CPEB1: variants seen among roughly 807,000 people sequenced by gnomAD.
CPEB1 encodes cytoplasmic polyadenylation element-binding protein 1.
CPEB1 carries 7 observed loss-of-function variants against 65.8 expected under a neutral mutation model. That is an observed-to-expected ratio of 0.11 (90% CI 0.06 to 0.20). The LOEUF (loss-of-function observed/expected upper bound fraction) is 0.20, where lower values mean the gene tolerates loss of function less well. Among genes scored for constraint, CPEB1 ranks in the 10% least tolerant of loss-of-function variants. CPEB1 has a pLI of 1.00. For missense variants in CPEB1, 551 were observed against 712.2 expected (o/e 0.77, Z 2.58); for synonymous variants, 262 against 260.0 (o/e 1.01, Z -0.08).
intron 3 of CPEB1, among the ~76,000 whole-genome samples, chr15:82,611,159 G>C (rs117713060): frequency 0.018 from 2,673 of 151,428 alleles, 29 homozygotes; most frequent in Non-Finnish European, 0.025. Flanking sequence ...AAGGCATCTA[G>C]ATGGAAAAAA....
chr15:82,573,692 G>A (rs911979584), intron 3 of CPEB1, among the ~76,000 whole-genome samples: 1 of 152,144 alleles, frequency 6.6e-6, no homozygotes, highest in Non-Finnish European at 1.5e-5. Flanking sequence ...AAAATACAGT[G>A]TGGCAGACCA....
chr15:82,645,609 C>T (rs1199032077), intron 1 of CPEB1, among the ~76,000 whole-genome samples: 1 of 152,130 alleles, frequency 6.6e-6, no homozygotes, highest in Non-Finnish European at 1.5e-5. Context: ...GGGGCTCACG[C>T]CTGTAATTCC....
At chr15:82,617,159 T>C (rs183395564) in intron 3 of CPEB1, among the ~76,000 whole-genome samples, 20 of 152,370 alleles carry the variant, frequency 1.3e-4, no homozygotes, top group Non-Finnish European at 2.9e-5. Context: ...AACAGAATTA[T>C]GTGGTATATA....
At chr15:82,646,441 G>A (rs1293811036) in intron 1 of CPEB1, among the ~76,000 whole-genome samples, 1 of 152,180 alleles carries the variant, frequency 6.6e-6, no homozygotes, top group African/African-American at 2.4e-5. Flanking sequence ...GTCAGGGCCG[G>A]GGCTGCAGGC....
intron 3 of CPEB1, among the ~76,000 whole-genome samples, chr15:82,586,648 C>G (rs901797775): frequency 4.6e-5 from 7 of 152,174 alleles, no homozygotes; most frequent in Non-Finnish European, 1.0e-4. Flanking sequence ...AGACCACCTA[C>G]AGTTAGTTTG....
At chr15:82,598,647 T>A (rs541109276) in intron 3 of CPEB1, among the ~76,000 whole-genome samples, 1 of 151,932 alleles carries the variant, frequency 6.6e-6, no homozygotes, top group South Asian at 2.1e-4. Flanking sequence ...TAGCTGGGCG[T>A]GGTGGTGGGT....
At chr15:82,551,757 A>G (rs528587396) in intron 9 of CPEB1, among the ~76,000 whole-genome samples, 1 of 152,316 alleles carries the variant, frequency 6.6e-6, no homozygotes, top group South Asian at 2.1e-4. Flanking sequence ...TGCTTTGACA[A>G]GTGGTTCTCA....
intron 1 of CPEB1, among the ~76,000 whole-genome samples, chr15:82,637,192 G>T (rs758125517): frequency 3.9e-5 from 6 of 152,198 alleles, no homozygotes; most frequent in Non-Finnish European, 8.8e-5. Flanking sequence ...TGTAATGTGA[G>T]AATGACAGAG....
At chr15:82,628,820 A>C (rs899749464) in intron 1 of CPEB1, 10 of 185,036 alleles carry the variant, frequency 5.4e-5, no homozygotes, top group Non-Finnish European at 5.6e-5. Context: ...AACAGTAAAT[A>C]TATTTTCTCT....
At chr15:82,564,715 C>T (rs1051754380) in intron 4 of CPEB1, among the ~76,000 whole-genome samples, 4 of 152,048 alleles carry the variant, frequency 2.6e-5, no homozygotes, top group African/African-American at 4.8e-5. Context: ...ATCACATCTG[C>T]GACAATACTT....
chr15:82,594,637 T>A lies in CPEB1; in HGVS notation c.272-23105A>T, dbSNP rs193200696. Among the ~76,000 whole-genome samples the A allele has an allele frequency of 6.6e-5, 10 of 152,374 alleles. No homozygotes were observed. In the East Asian group the frequency reaches 1.9e-3, roughly 29 times the overall value. ...AGCCCTTTTAGTTTACTGCAGGAAC[T>A]TGTGCCTTGCATTCACAGCTTGACT... On this transcript the variant is annotated intron_variant, in intron 3 of 12. Transcript: ENST00000684509.
Position 82,552,727 on chromosome 15 carries a change from T to C in CPEB1, c.1145-111A>G. ...AAGAAAGAAGGTCTTGTGTATAAGA[T>C]ACATTTTTGTTTTACTCCTGAAAAG... On this transcript the variant is annotated intron_variant, in intron 8 of 12. Coordinates refer to ENST00000684509, the MANE Select transcript of CPEB1 (RefSeq NM_001365242.1). 5 of 1,239,392 alleles carry C rather than the reference T, an allele frequency of 4.0e-6. 1 individual carries two copies. The highest frequency in any genetic ancestry group is 2.0e-5 in the Admixed American group (1 of 50,210). 76.8% of individuals were successfully genotyped at this position (1,239,392 alleles called of 1,614,324 possible). A position where few individuals can be genotyped will look rare whatever the true frequency, so the allele number is the denominator to read the frequency against.
At chr15:82,639,692 T>C (rs974428249) in intron 1 of CPEB1, among the ~76,000 whole-genome samples, 3 of 152,134 alleles carry the variant, frequency 2.0e-5, no homozygotes, top group Admixed American at 6.5e-5. Flanking sequence ...AAATTTTGAG[T>C]TCCCACCATT....
rs140250081 is a variant in CPEB1, at chr15:82,573,082, G to A, written c.272-1550C>T. 98 of 1,535,644 alleles carry A rather than the reference G, an allele frequency of 6.4e-5. No individual in the cohort carries two copies. The East Asian group carries it at 2.3e-3, about 37-fold the overall frequency. On this transcript the variant is annotated intron_variant, in intron 3 of 12. Transcript: ENST00000684509. ...TGCAAGGAGAAGCAAGCAGATACGG[G>A]AAGCATGCCCACCTGGGACCTCCCA... is the stretch of plus-strand genomic sequence containing the variant.
At chr15:82,580,370 C>T (rs783531) in intron 3 of CPEB1, among the ~76,000 whole-genome samples, 61,109 of 151,230 alleles carry the variant, frequency 0.4, 12,402 homozygotes, top group South Asian at 0.49. Context: ...AAAAGTTTCC[C>T]CCTGTTAAAG....
intron 3 of CPEB1, among the ~76,000 whole-genome samples, chr15:82,588,324 G>C (rs940767536): frequency 6.6e-6 from 1 of 152,018 alleles, no homozygotes; most frequent in Non-Finnish European, 1.5e-5. Flanking sequence ...TTCAAACAAG[G>C]AGGATATGAA....
chr15:82,570,192 A>C (rs2039797421), intron 4 of CPEB1, among the ~76,000 whole-genome samples: 1 of 152,182 alleles, frequency 6.6e-6, no homozygotes, highest in African/African-American at 2.4e-5. Flanking sequence ...CCTAACAGAC[A>C]CAACGGGCCC....
At chr15:82,647,727 C>A, upstream of CPEB1, 1 of 853,092 alleles carries the variant, frequency 1.2e-6, no homozygotes. Flanking sequence ...GTGACCGCGC[C>A]CCGCCCGGGA....
At chr15:82,633,744 T>C (rs921568022) in intron 1 of CPEB1, among the ~76,000 whole-genome samples, 5 of 152,206 alleles carry the variant, frequency 3.3e-5, no homozygotes, top group Non-Finnish European at 7.3e-5. Flanking sequence ...ACTCCTATCA[T>C]GAAACTGTTT....
Sources: allele counts gnomAD v4.1 joint callset (sites outside exome capture counted in the v4.1 genomes callset), GRCh38; gene constraint gnomAD v4.1.1; transcripts MANE v1.5; gene names NCBI Gene and HGNC (gene_info 2026-07-23, HGNC 2026-07-21).